ANXA3: variants seen among roughly 807,000 people sequenced by gnomAD.
ANXA3 encodes the protein 35-alpha calcimedin.
Under a neutral mutation model 48.8 loss-of-function variants are expected in ANXA3, and 46 were observed. The ratio of observed to expected loss-of-function variants is 0.94; its 90% confidence interval spans 0.74 to 1.21. ANXA3 has a LOEUF of 1.21. Ranked by LOEUF, ANXA3 falls within the 50% of genes most tolerant of loss-of-function variation. The probability of loss-of-function intolerance (pLI) is 0.00; values close to 1 mark genes in which losing one functional copy is unlikely to be tolerated. For missense variants in ANXA3, 383 were observed against 378.6 expected, an observed-to-expected ratio of 1.01 and a Z score of -0.10; for synonymous variants, 128 against 134.7, an observed-to-expected ratio of 0.95 and a Z score of 0.35.
intron 2 of ANXA3, among the ~76,000 whole-genome samples, chr4:78,563,193 A>G (rs922408788): frequency 2.0e-5 from 3 of 152,208 alleles, no homozygotes; most frequent in Non-Finnish European, 4.4e-5. Context: ...TAATGCATTT[A>G]CCATCATGTC....
At chr4:78,561,174 G>A (rs2109925744) in intron 2 of ANXA3, among the ~76,000 whole-genome samples, 1 of 152,294 alleles carries the variant, frequency 6.6e-6, no homozygotes, top group African/African-American at 2.4e-5. Flanking sequence ...CTGCCAGGAT[G>A]GACCCTTGCA....
At chr4:78,586,082 A>G (rs1479370346) in intron 5 of ANXA3, among the ~76,000 whole-genome samples, 178 bp from the exon 6 acceptor site, 1 of 152,216 alleles carries the variant, frequency 6.6e-6, no homozygotes, top group Non-Finnish European at 1.5e-5. Flanking sequence ...ACTTTATTCC[A>G]GATGATTTAT....
intron 5 of ANXA3, among the ~76,000 whole-genome samples, chr4:78,584,705 T>A (rs1269376559): frequency 1.3e-5 from 2 of 152,208 alleles, no homozygotes; most frequent in African/African-American, 4.8e-5. Flanking sequence ...GGAATGGAGT[T>A]ATCTTCTTTT....
chr4:78,603,293 A>G (rs1723582900), intron 11 of ANXA3: 1 of 152,240 alleles, frequency 6.6e-6, no homozygotes, highest in South Asian at 2.1e-4. Context: ...TGGATGAATT[A>G]CATAGATGAA....
chr4:78,573,348 T>C (rs2109932445), intron 3 of ANXA3, 81 bp downstream of exon 3: 1 of 1,032,624 alleles, frequency 9.7e-7, no homozygotes, highest in South Asian at 1.3e-5. Context: ...TTTGCTCAGA[T>C]TGGCTTACTC....
chr4:78,556,206 G>C (rs1722508434), intron 2 of ANXA3, among the ~76,000 whole-genome samples: 1 of 152,176 alleles, frequency 6.6e-6, no homozygotes, highest in African/African-American at 2.4e-5. Flanking sequence ...TCCATCGATA[G>C]GGTAGGAATA....
At chr4:78,583,902 C>T (rs1354870636) in intron 5 of ANXA3, among the ~76,000 whole-genome samples, 3 of 152,200 alleles carry the variant, frequency 2.0e-5, no homozygotes, top group Non-Finnish European at 4.4e-5. Flanking sequence ...AATACCTTCA[C>T]AGCAACACCT....
In ANXA3 at chr4:78,596,389, G is replaced by T. The variant is rs149500775; in HGVS notation, c.634+502G>T. ...AGACCAGCTATTACATGGAATTGTG[G>T]GCACCCGCCCTCTTGCTCATGGCAT... On this transcript the variant is annotated intron_variant, in intron 9 of 12. Coordinates refer to ENST00000264908, the MANE Select transcript of ANXA3 (RefSeq NM_005139.3). Among the ~76,000 whole-genome samples, 559 of 152,294 alleles carry T rather than the reference G, an allele frequency of 3.7e-3. 4 individuals are homozygous for T. The highest frequency in any genetic ancestry group is 0.017 in the Middle Eastern group (5 of 294).
At chr4:78,559,241 C>T (rs1174519615) in intron 2 of ANXA3, among the ~76,000 whole-genome samples, 1 of 152,024 alleles carries the variant, frequency 6.6e-6, no homozygotes, top group Non-Finnish European at 1.5e-5. Context: ...CCACCATGCC[C>T]AGCTAATTTT....
intron 2 of ANXA3, among the ~76,000 whole-genome samples, chr4:78,569,389 T>C (rs1161476784): frequency 1.3e-5 from 2 of 152,192 alleles, no homozygotes; most frequent in Non-Finnish European, 2.9e-5. Flanking sequence ...AATATAAATG[T>C]CAAGGAATTA....
At chr4:78,574,836 A>C (rs921943022) in intron 3 of ANXA3, among the ~76,000 whole-genome samples, 1 of 152,188 alleles carries the variant, frequency 6.6e-6, no homozygotes, top group Non-Finnish European at 1.5e-5. Flanking sequence ...CTCATGTCTC[A>C]TTGTGCATAT....
At chr4:78,602,764 C>G (rs1257675614) in intron 11 of ANXA3, 1 of 152,416 alleles carries the variant, frequency 6.6e-6, no homozygotes, top group Non-Finnish European at 1.5e-5. Flanking sequence ...TTCATCTCGC[C>G]CAGCCCCACA....
chr4:78,553,147 A>G (rs561538461), intron 1 of ANXA3, among the ~76,000 whole-genome samples: 12 of 152,220 alleles, frequency 7.9e-5, no homozygotes, highest in African/African-American at 2.9e-4. Flanking sequence ...AGGCAGAAGC[A>G]TGGGGGTTAG....
intron 10 of ANXA3, among the ~76,000 whole-genome samples, chr4:78,598,027 C>T (rs919735466): frequency 4.6e-5 from 7 of 152,198 alleles, no homozygotes; most frequent in Non-Finnish European, 1.0e-4. Flanking sequence ...TTTTATTGAG[C>T]TTTGTTGAAA....
At chr4:78,608,288 G>T (rs1402908610) in intron 12 of ANXA3, among the ~76,000 whole-genome samples, 1 of 152,202 alleles carries the variant, frequency 6.6e-6, no homozygotes, top group South Asian at 2.1e-4. Flanking sequence ...AAAATAAGTA[G>T]ATATTAATAA....
At chr4:78,598,691 C>T (rs1332964925) in intron 10 of ANXA3, among the ~76,000 whole-genome samples, 1 of 152,100 alleles carries the variant, frequency 6.6e-6, no homozygotes, top group Non-Finnish European at 1.5e-5. Context: ...AGGCACACGC[C>T]ACCACGCCTG....
At chr4:78,595,141 AAT>A (rs145060219) in intron 7 of ANXA3, among the ~76,000 whole-genome samples, 1 of 151,244 alleles carries the variant, frequency 6.6e-6, no homozygotes, top group African/African-American at 2.4e-5. Flanking sequence ...CCTGTCTCTA[AAT>A]ATATATATAT....
intron 12 of ANXA3, among the ~76,000 whole-genome samples, chr4:78,606,612 T>A (rs1285041682): frequency 6.6e-6 from 1 of 152,186 alleles, no homozygotes; most frequent in Non-Finnish European, 1.5e-5. Flanking sequence ...GGCACAAATA[T>A]TAGCCTGGGT....
intron 2 of ANXA3, among the ~76,000 whole-genome samples, chr4:78,561,109 T>A (rs1722619115): frequency 6.6e-6 from 1 of 152,030 alleles, no homozygotes; most frequent in Non-Finnish European, 1.5e-5. Context: ...AAACATGGGA[T>A]CCATATAGAA....
Sources: gnomAD v4.1 joint callset for allele counts (sites outside exome capture counted in the v4.1 genomes callset) on GRCh38, gnomAD v4.1.1 for gene constraint, MANE v1.5 for transcripts, NCBI Gene and HGNC (gene_info 2026-07-23, HGNC 2026-07-21) for gene names.